The following CPLANE1 variants were observed in gnomAD, a reference collection of about 807,000 sequenced individuals.
CPLANE1 encodes ciliogenesis and planar polarity effector complex subunit 1.
In CPLANE1, 263 loss-of-function variants were observed where a neutral mutation model predicts 362.5. The ratio of observed to expected loss-of-function variants is 0.73; its 90% CI spans 0.66 to 0.80. The LOEUF is 0.80. CPLANE1 is among the 30% of genes least tolerant of loss of function. The pLI is 0.00. For synonymous variants in CPLANE1, 1,212 were observed against 1,302.6 expected (o/e 0.93, Z 1.50); for missense variants, 3,461 against 3,793.4 (o/e 0.91, Z 2.30).
chr5:37,157,467 C>T, intron 40 of CPLANE1, 47 bp from the exon 41 acceptor site: 1 of 1,374,724 alleles, frequency 7.3e-7, no homozygotes, highest in Non-Finnish European at 1.0e-6. Flanking sequence ...CTGATTCTAT[C>T]AAGACTATGA....
chr5:37,175,324 A>G (rs939381996), intron 31 of CPLANE1, among the ~76,000 whole-genome samples: 4 of 152,180 alleles, frequency 2.6e-5, no homozygotes, highest in African/African-American at 9.7e-5. Flanking sequence ...AAAGGGCCGG[A>G]TCTGGGTATG....
chr5:37,128,406 C>A (rs912816725), intron 46 of CPLANE1, among the ~76,000 whole-genome samples: 1 of 152,156 alleles, frequency 6.6e-6, no homozygotes, highest in African/African-American at 2.4e-5. Flanking sequence ...ATCTTAAAGC[C>A]CTGTGCTGCG....
At chr5:37,215,555 C>T (rs1317921590) in intron 15 of CPLANE1, among the ~76,000 whole-genome samples, 1 of 152,044 alleles carries the variant, frequency 6.6e-6, no homozygotes, top group African/African-American at 2.4e-5. Flanking sequence ...GGTGTTGGTG[C>T]TCCTAACCCC....
At chr5:37,158,717 A>AT (rs553406752) in intron 38 of CPLANE1, among the ~76,000 whole-genome samples, 2,263 of 151,258 alleles carry the variant, frequency 0.015, 65 homozygotes, top group African/African-American at 0.052. Context: ...CCTATAACTA[A>AT]TTTTTTTTTA....
In CPLANE1 at chr5:37,227,594, T is replaced by C. The variant is rs938499127; in HGVS notation, c.1345A>G (p.Ile449Val). ...TTAGACAATATCACACTTTGATATA[T>C]TTTCTCAAGCCTCTGGGTTGAATCA... is the stretch of plus-strand genomic sequence containing the variant. ...LLDSTQRLEK[I>V]YQSVILSKPK... Residue 449 changes from isoleucine (I) to valine (V), a missense_variant, in exon 10 of 53, where the codon ATA becomes GTA. By Grantham distance (29) the Ile-to-Val change is conservative (BLOSUM62 3). Transcript: ENST00000651892. The C allele has an allele frequency of 1.4e-5, 22 of 1,551,106 alleles. No homozygotes were observed. Among genetic ancestry groups the C allele is most frequent in the Non-Finnish European group, 1.8e-5 (21 of 1,146,814 alleles).
intron 36 of CPLANE1, 95 bp downstream of exon 36, chr5:37,165,444 G>T: frequency 8.2e-7 from 1 of 1,225,182 alleles, no homozygotes; most frequent in Non-Finnish European, 1.2e-6. Flanking sequence ...GTCACAGTCA[G>T]AAGCTCCCAG....
chr5:37,203,627 C>T (rs1789852042), intron 18 of CPLANE1, among the ~76,000 whole-genome samples: 1 of 152,118 alleles, frequency 6.6e-6, no homozygotes, highest in Admixed American at 6.6e-5. Context: ...GATTCTCCCA[C>T]TTTAGTTAGC....
At chr5:37,078,361 G>A in the CPLANE1 span, among the ~76,000 whole-genome samples, 5 of 152,170 alleles carry the variant, frequency 3.3e-5, no homozygotes, top group African/African-American at 1.2e-4. Flanking sequence ...GCATATCCAT[G>A]CAAATGACAA....
At chr5:37,131,310 T>C (rs1765719207) in intron 46 of CPLANE1, among the ~76,000 whole-genome samples, 1 of 152,126 alleles carries the variant, frequency 6.6e-6, no homozygotes, top group Non-Finnish European at 1.5e-5. Context: ...AACTCAGTGA[T>C]TCCCTCTGGT....
At chr5:37,096,107 C>T in the CPLANE1 span, among the ~76,000 whole-genome samples, 1 of 152,066 alleles carries the variant, frequency 6.6e-6, no homozygotes, top group African/African-American at 2.4e-5. Context: ...CAAAAAAGAG[C>T]CCACATAGCC....
In CPLANE1 at chr5:37,168,151, A is replaced by T. The variant is rs373964818; in HGVS notation, c.7233+640T>A. On this transcript the variant is annotated intron_variant, in intron 34 of 52. Transcript: ENST00000651892. Reference sequence around the variant, plus strand: ...TAAACCATTTTAATTTCATAAATCAAAAGTTATACCTTTAAAGAGGACTTG... The same window carrying T: ...TAAACCATTTTAATTTCATAAATCATAAGTTATACCTTTAAAGAGGACTTG... Among the ~76,000 whole-genome samples the T allele has an allele frequency of 2.6e-4, 40 of 152,364 alleles. 2 individuals are homozygous for T. The South Asian group carries it at 8.1e-3, about 31-fold the overall frequency.
intron 27 of CPLANE1, 74 bp from the exon 28 acceptor site, chr5:37,180,257 T>TTG: frequency 2.8e-6 from 3 of 1,059,094 alleles, no homozygotes; most frequent in Non-Finnish European, 3.8e-6. Flanking sequence ...GGGTTTTTTT[T>TTG]TTGTTTTTTT....
intron 24 of CPLANE1, among the ~76,000 whole-genome samples, chr5:37,185,724 C>A (rs374194085): frequency 2.6e-5 from 4 of 152,164 alleles, no homozygotes; most frequent in South Asian, 4.2e-4. Flanking sequence ...AATTTTAATT[C>A]TTTAAAAATT....
Position 37,224,699 on chromosome 5 carries a change from CAT to C in CPLANE1, c.2331_2332del (p.Trp778ValfsTer11). ...TCTTCGATTTAATTGTGCTTGATAC[CAT>C]AAAGTTTTTTTGTACAGTATTCTCC... On this transcript the variant is annotated frameshift_variant, in exon 13 of 53. Transcript: ENST00000651892. 1 of 1,551,438 alleles carries C rather than the reference CAT, an allele frequency of 6.4e-7. No homozygotes were observed. The highest frequency in any genetic ancestry group is 1.2e-5 in the South Asian group (1 of 84,030).
intron 8 of CPLANE1, among the ~76,000 whole-genome samples, chr5:37,233,203 T>A (rs1798143023): frequency 6.6e-6 from 1 of 152,170 alleles, no homozygotes; most frequent in Non-Finnish European, 1.5e-5. Context: ...AAAGCCTAGA[T>A]ACCAGGGATC....
intron 51 of CPLANE1, among the ~76,000 whole-genome samples, chr5:37,113,801 C>A (rs552437460): frequency 6.6e-5 from 10 of 152,118 alleles, no homozygotes; most frequent in African/African-American, 2.4e-4. Flanking sequence ...TACATATAAA[C>A]TAGTGGGGTT....
At position 37,181,008 on chromosome 5, in the gene CPLANE1, A is replaced by G. The variant is rs1440271642; in HGVS notation, c.5422-3T>C. On this transcript the variant is annotated splice_polypyrimidine_tract_variant and splice_region_variant and intron_variant, in intron 26 of 52. Transcript: ENST00000651892. ...CCAGTGTCACGATTCTCTACCATCT[A>G]AAGCAAACCATTTAAAGTATTTAGT... The G allele has an allele frequency of 2.5e-5, 40 of 1,611,966 alleles. No homozygotes were observed. The highest frequency in any genetic ancestry group is 3.3e-5 in the Non-Finnish European group (39 of 1,178,918).
intron 15 of CPLANE1, among the ~76,000 whole-genome samples, chr5:37,220,400 C>A (rs1216886254): frequency 6.6e-6 from 1 of 152,176 alleles, no homozygotes; most frequent in Non-Finnish European, 1.5e-5. Flanking sequence ...AGCAGTCTAC[C>A]ACCCTATAAG....
chr5:37,187,679 A>C, intron 22 of CPLANE1, 54 bp downstream of exon 22: 1 of 1,560,996 alleles, frequency 6.4e-7, no homozygotes, highest in African/African-American at 1.4e-5. Context: ...CTTTTAAACA[A>C]TAATTTCCCA....
Sources: gnomAD v4.1 joint callset for allele counts (sites outside exome capture counted in the v4.1 genomes callset) on GRCh38, gnomAD v4.1.1 for gene constraint, MANE v1.5 for transcripts, NCBI Gene and HGNC (gene_info 2026-07-23, HGNC 2026-07-21) for gene names.